The following YES1 variants were observed in gnomAD, a reference collection of about 807,000 sequenced individuals.
YES1 encodes tyrosine-protein kinase Yes.
A neutral mutation model predicts 70.4 loss-of-function variants in YES1; 39 were observed. The ratio of observed to expected loss-of-function variants is 0.55; its 90% CI spans 0.43 to 0.72. The LOEUF is 0.72. Among genes scored for constraint, YES1 ranks in the 30% least tolerant of loss-of-function variants. YES1 has a pLI of 0.00. For missense variants in YES1, 495 were observed against 644.8 expected (o/e 0.77, Z 2.52); for synonymous variants, 198 against 218.6 (o/e 0.91, Z 0.83).
intron 11 of YES1, among the ~76,000 whole-genome samples, chr18:731,705 C>T (rs536737932): frequency 1.2e-4 from 18 of 152,256 alleles, no homozygotes; most frequent in African/African-American, 2.4e-4. Context: ...CGGTGGCTCA[C>T]GCCTGTAATC....
chr18:724,206 G>A lies in YES1; in HGVS notation c.*218C>T. ...GTCATCAGTATCTTAGCTCTATTTTGTTTGGACCCTGAAATACGCTGATAA... is the reference window on the plus strand; with the variant it reads ...GTCATCAGTATCTTAGCTCTATTTTATTTGGACCCTGAAATACGCTGATAA... On this transcript the variant is annotated 3_prime_UTR_variant, in exon 12 of 12. Coordinates refer to ENST00000314574, the MANE Select transcript of YES1 (RefSeq NM_005433.4). 1.9e-6 allele frequency: 1 copy of A among 535,650 alleles called. No individual in the cohort carries two copies. The highest frequency in any genetic ancestry group is 3.3e-6 in the Non-Finnish European group (1 of 300,434). The allele number at this position is 535,650 out of a possible 1,614,324, so 33.2% of individuals were successfully genotyped here.
chr18:742,953 T>A lies in YES1; in HGVS notation c.1025A>T (p.Glu342Val). 3 of 1,601,372 alleles carry A rather than the reference T, an allele frequency of 1.9e-6. No individual in the cohort carries two copies. Among genetic ancestry groups the A allele is most frequent in the Non-Finnish European group, 2.5e-6 (3 of 1,177,044 alleles). ...LVPLYAVVSE[E>V]PIYIVTEFMS... The stretch of plus-strand genomic sequence containing the variant: ...AAATTCAGTGACAATGTAAATTGGT[T>A]CTTCAGAAACAACAGCATATAGTGG... Residue 342 changes from glutamate to valine, a missense_variant, in exon 8 of 12, where the codon GAA becomes GTA. Transcript: ENST00000314574.
intron 1 of YES1, among the ~76,000 whole-genome samples, chr18:757,766 A>G (rs917547169): frequency 2.0e-5 from 3 of 151,282 alleles, no homozygotes; most frequent in South Asian, 2.1e-4. Context: ...AGGTTGCAGT[A>G]AGCTGACATC....
intron 1 of YES1, among the ~76,000 whole-genome samples, chr18:782,465 G>T (rs1018467477): frequency 6.6e-6 from 1 of 152,150 alleles, no homozygotes; most frequent in Non-Finnish European, 1.5e-5. Context: ...CCTAGAAAAT[G>T]AGACAGTCTG....
At chr18:792,415 C>T (rs1052966108) in intron 1 of YES1, among the ~76,000 whole-genome samples, 14 of 152,174 alleles carry the variant, frequency 9.2e-5, no homozygotes, top group Admixed American at 3.9e-4. Flanking sequence ...CATCTGTAGT[C>T]CCAGCTACTC....
At chr18:729,579 G>C (rs1344695881) in intron 11 of YES1, among the ~76,000 whole-genome samples, 1 of 143,432 alleles carries the variant, frequency 7.0e-6, no homozygotes, top group Non-Finnish European at 1.5e-5. Context: ...CTAACTCCAA[G>C]ATTTGGATTA....
chr18:738,161 A>C (rs1037895602), intron 9 of YES1: 2 of 152,064 alleles, frequency 1.3e-5, no homozygotes, highest in Non-Finnish European at 2.9e-5. Flanking sequence ...GTTTCTCAGT[A>C]TAAAGCTTTT....
chr18:791,897 A>C (rs1906270426), intron 1 of YES1, among the ~76,000 whole-genome samples: 1 of 152,068 alleles, frequency 6.6e-6, no homozygotes, highest in Non-Finnish European at 1.5e-5. Flanking sequence ...TCTACTAAAA[A>C]TACAAAAATC....
chr18:791,000 A>G (rs895066048), intron 1 of YES1, among the ~76,000 whole-genome samples: 14 of 152,216 alleles, frequency 9.2e-5, no homozygotes, highest in African/African-American at 3.4e-4. Context: ...CTATAATCCC[A>G]GCATTTTGGA....
intron 1 of YES1, among the ~76,000 whole-genome samples, chr18:805,980 G>C (rs1285437991): frequency 6.6e-6 from 1 of 152,168 alleles, no homozygotes; most frequent in Non-Finnish European, 1.5e-5. Flanking sequence ...CAATCTTGAA[G>C]TTTCAGGGGT....
intron 1 of YES1, among the ~76,000 whole-genome samples, chr18:782,007 C>G (rs1192427334): frequency 2.0e-5 from 3 of 152,148 alleles, no homozygotes; most frequent in African/African-American, 7.2e-5. Context: ...AACCCATGTT[C>G]TGGAAATTTG....
chr18:736,906 C>T lies in YES1; in HGVS notation c.1193G>A (p.Arg398Gln). ...ERMNYIHRDL[R>Q]AANILVGENL... Reference sequence around the variant, plus strand: ...TTCTCCTACAAGAATATTAGCAGCCCGAAGATCTCGGTGAATATAGTTCAT... The same window carrying T: ...TTCTCCTACAAGAATATTAGCAGCCTGAAGATCTCGGTGAATATAGTTCAT... Residue 398 changes from arginine to glutamine, a missense_variant, in exon 10 of 12, where the codon CGG becomes CAG. Physicochemically the swap from Arg to Gln is conservative, Grantham distance 43. This residue lies in a region of YES1 where 385 missense variants were observed against 540.9 expected (regional missense o/e 0.71). Coordinates refer to ENST00000314574, the MANE Select transcript of YES1 (RefSeq NM_005433.4). 1.9e-6 allele frequency: 3 copies of T among 1,612,008 alleles called. No individual in the cohort carries two copies. The highest frequency in any genetic ancestry group is 2.5e-6 in the Non-Finnish European group (3 of 1,179,906).
chr18:740,947 G>C (rs1208622453), intron 8 of YES1, among the ~76,000 whole-genome samples: 1 of 152,120 alleles, frequency 6.6e-6, no homozygotes. Context: ...ACCCAGGCTG[G>C]AGTGCAGCGG....
At chr18:747,723 G>T (rs1216301906) in intron 4 of YES1, among the ~76,000 whole-genome samples, 197 bp downstream of exon 4, 1 of 152,148 alleles carries the variant, frequency 6.6e-6, no homozygotes, top group Non-Finnish European at 1.5e-5. Flanking sequence ...GACTGATGCA[G>T]ATTCGTTTAT....
chr18:731,690 A>G (rs9947493), intron 11 of YES1, among the ~76,000 whole-genome samples: 3,790 of 152,260 alleles, frequency 0.025, 156 homozygotes, highest in African/African-American at 0.084. Context: ...TTTTGAGGCC[A>G]GGCACGGTGG....
intron 1 of YES1, among the ~76,000 whole-genome samples, chr18:772,870 C>G (rs188056499): frequency 4.5e-4 from 69 of 152,348 alleles, no homozygotes; most frequent in Middle Eastern, 3.4e-3. Flanking sequence ...CCTCTATCTT[C>G]CACAGCACTT....
At position 723,945 on chromosome 18, in the gene YES1, CTT is replaced by C. The variant is rs1044684007; in HGVS notation, c.*477_*478del. On this transcript the variant is annotated 3_prime_UTR_variant, in exon 12 of 12. Coordinates refer to ENST00000314574, the MANE Select transcript of YES1 (RefSeq NM_005433.4). The stretch of plus-strand genomic sequence containing the variant: ...TACTGACTGTTTAACTTAGAAAAAA[CTT>C]TTGAGAATAATAAATGCAAGAAACT... The C allele has an allele frequency of 1.9e-5, 3 of 155,432 alleles. No individual in the cohort carries two copies. Among genetic ancestry groups the C allele is most frequent in the African/African-American group, 7.2e-5 (3 of 41,444 alleles). The allele number at this position is 155,432 out of a possible 1,614,324, so 9.6% of individuals were successfully genotyped here.
intron 1 of YES1, among the ~76,000 whole-genome samples, chr18:807,458 C>T (rs887437156): frequency 1.3e-5 from 2 of 152,132 alleles, no homozygotes; most frequent in African/African-American, 4.8e-5. Context: ...GTGACTGCAC[C>T]ACTGCACTCC....
At position 763,037 on chromosome 18, in the gene YES1, TGGG is replaced by T. The variant is rs1370170377; in HGVS notation, c.-8-6205_-8-6203del. On this transcript the variant is annotated intron_variant, in intron 1 of 11. Transcript: ENST00000314574. ...GCTTGGTCTTGAAGAGTTGGAGACT[TGGG>T]GGAAAGAAAAGGATATTCCAGGAAG... is the stretch of plus-strand genomic sequence containing the variant. Among the ~76,000 whole-genome samples, 7 of 152,186 alleles carry T rather than the reference TGGG, an allele frequency of 4.6e-5. No homozygotes were observed. In the East Asian group the frequency reaches 1.3e-3, roughly 29 times the overall value.
Sources: gnomAD v4.1 joint callset for allele counts (sites outside exome capture counted in the v4.1 genomes callset) on GRCh38, gnomAD v4.1.1 for gene constraint, gnomAD v4.1.1 regional missense constraint, MANE v1.5 for transcripts, NCBI Gene and HGNC (gene_info 2026-07-23, HGNC 2026-07-21) for gene names.